The following ANKRD11 variants were observed in gnomAD, a reference collection of about 807,000 sequenced individuals.
ANKRD11 encodes the protein ankyrin repeat domain 11.
In ANKRD11, 17 loss-of-function variants were observed where a neutral mutation model predicts 195.7. That is an observed-to-expected ratio of 0.09 (90% CI 0.06 to 0.13). ANKRD11 has a LOEUF of 0.13. Among genes scored for constraint, ANKRD11 ranks in the 10% least tolerant of loss-of-function variants. ANKRD11 has a pLI of 1.00. For missense variants in ANKRD11, 3,735 were observed against 3,566.1 expected (o/e 1.05, Z -1.21); for synonymous variants, 1,953 against 1,528.1 (o/e 1.28, Z -6.49).
rs779690441 is a variant in ANKRD11 at position 89,284,360 on chromosome 16, T to C, written c.2182A>G (p.Ile728Val). ...LKRIKDTNKD[I>V]SRSFREEKDR... ...TTCTCTTCTCGGAAAGACCTGCTGA[T>C]GTCTTTGTTTGTGTCTTTGATTCTC... The change falls in exon 9 of 13, where the codon ATC (isoleucine) becomes GTC (valine). Residue 728 changes from isoleucine to valine, a missense_variant. Transcript: ENST00000301030. The C allele has an allele frequency of 1.2e-6, 2 of 1,613,894 alleles. No individual in the cohort carries two copies. The highest frequency in any genetic ancestry group is 2.2e-5 in the South Asian group (2 of 91,076).
At chr16:89,320,637 C>T (rs1008131583) in intron 2 of ANKRD11, among the ~76,000 whole-genome samples, 14 of 151,748 alleles carry the variant, frequency 9.2e-5, no homozygotes, top group Admixed American at 2.0e-4. Context: ...GTCCCCCACA[C>T]GAGCCACTGG....
chr16:89,288,950 A>C (rs2034842180), intron 6 of ANKRD11: 1 of 548,738 alleles, frequency 1.8e-6, no homozygotes, highest in African/African-American at 1.9e-5. Context: ...AAAGGGTAGG[A>C]AATCAGTGAA....
intron 2 of ANKRD11, among the ~76,000 whole-genome samples, chr16:89,365,088 C>T (rs1271990838): frequency 6.6e-6 from 1 of 152,140 alleles, no homozygotes; most frequent in Admixed American, 6.6e-5. Flanking sequence ...ATAAAATGGC[C>T]TCAAAAGTGA....
At chr16:89,333,453 C>G (rs2038172199) in intron 2 of ANKRD11, among the ~76,000 whole-genome samples, 1 of 152,170 alleles carries the variant, frequency 6.6e-6, no homozygotes, top group Non-Finnish European at 1.5e-5. Context: ...TGATGTGGAC[C>G]CACCGTTGTG....
intron 1 of ANKRD11, among the ~76,000 whole-genome samples, chr16:89,430,269 T>C (rs1165116848): frequency 7.8e-6 from 1 of 128,224 alleles, no homozygotes; most frequent in Non-Finnish European, 1.7e-5. Flanking sequence ...GCAGGGACTC[T>C]CAACTCTCAG....
At chr16:89,354,243 C>CAAAAAAAAAAAAAAAA (rs5818711) in intron 2 of ANKRD11, among the ~76,000 whole-genome samples, 1 of 126,240 alleles carries the variant, frequency 7.9e-6, no homozygotes. Context: ...TGCATTCAGC[C>CAAAAAAAAAAAAAAAA]AAAAAAAAAA....
chr16:89,446,559 A>G (rs2043801941), intron 1 of ANKRD11, among the ~76,000 whole-genome samples: 1 of 152,102 alleles, frequency 6.6e-6, no homozygotes, highest in Non-Finnish European at 1.5e-5. Context: ...AGCTGTGATC[A>G]TGCCACTGCA....
intron 2 of ANKRD11, among the ~76,000 whole-genome samples, chr16:89,377,557 T>G (rs2040477648): frequency 6.6e-6 from 1 of 151,912 alleles, no homozygotes; most frequent in African/African-American, 2.4e-5. Flanking sequence ...ACCAGAGAAA[T>G]TAGAAGACAA....
chr16:89,309,571 T>A (rs1290492729), intron 3 of ANKRD11, among the ~76,000 whole-genome samples: 1 of 152,222 alleles, frequency 6.6e-6, no homozygotes, highest in Non-Finnish European at 1.5e-5. Context: ...AAAGCACACA[T>A]GGGCAAGGCG....
At chr16:89,319,273 C>A (rs2037156723) in intron 2 of ANKRD11, among the ~76,000 whole-genome samples, 1 of 152,212 alleles carries the variant, frequency 6.6e-6, no homozygotes, top group African/African-American at 2.4e-5. Context: ...CTTATCACTT[C>A]ACTCCTGAGA....
At chr16:89,288,458 G>A (rs1373320466) in intron 7 of ANKRD11, 70 bp downstream of exon 7, 3 of 1,610,348 alleles carry the variant, frequency 1.9e-6, no homozygotes, top group Non-Finnish European at 2.5e-6. Context: ...CTAGCTACGG[G>A]GAAACAAAGC....
intron 1 of ANKRD11, among the ~76,000 whole-genome samples, chr16:89,490,003 G>C (rs1462470466): frequency 1.2e-5 from 1 of 83,424 alleles, no homozygotes; most frequent in African/African-American, 3.9e-5. Flanking sequence ...GCCACCCCGG[G>C]CCCCCAAAGA....
In ANKRD11 at chr16:89,284,648, G is replaced by A. The variant is rs2034516974; in HGVS notation, c.1894C>T (p.His632Tyr). 2.5e-6 allele frequency: 4 copies of A among 1,614,074 alleles called. 1 individual carries two copies. Among genetic ancestry groups the A allele is most frequent in the African/African-American group, 1.3e-5 (1 of 75,008 alleles). The change falls in exon 9 of 13, where the codon CAT becomes TAT. Residue 632 changes from histidine (H) to tyrosine (Y), a missense_variant. Coordinates refer to ENST00000301030, the MANE Select transcript of ANKRD11 (RefSeq NM_013275.6). ...LDKEGKVVKKHKTKHKHKNKE... is the reference protein window; with the variant it reads ...LDKEGKVVKKYKTKHKHKNKE... ...TTTTTGTGTTTGTGTTTTGTTTTAT[G>A]TTTTTTGACAACTTTCCCCTCCTTG...
chr16:89,483,303 A>T (rs1413850205), intron 1 of ANKRD11, among the ~76,000 whole-genome samples: 1 of 152,264 alleles, frequency 6.6e-6, no homozygotes, highest in East Asian at 1.9e-4. Flanking sequence ...CAGTTTCAAC[A>T]TCATCTTCTT....
At chr16:89,355,754 GTT>G (rs1301198580) in intron 2 of ANKRD11, among the ~76,000 whole-genome samples, 1 of 152,242 alleles carries the variant, frequency 6.6e-6, no homozygotes, top group Non-Finnish European at 1.5e-5. Context: ...CAGGTCTTGT[GTT>G]ACTGAGCGCA....
At position 89,470,385 on chromosome 16, in the gene ANKRD11, C is replaced by A. The variant is rs190343886; in HGVS notation, c.-145+19860G>T. Among the ~76,000 whole-genome samples the A allele has an allele frequency of 4.5e-3, 692 of 152,230 alleles. 14 individuals carry two copies. Among genetic ancestry groups the A allele is most frequent in the Non-Finnish European group, 1.7e-3 (116 of 68,030 alleles). On this transcript the variant is annotated intron_variant, in intron 1 of 12. Transcript: ENST00000301030. Reference sequence around the variant, plus strand: ...ACAGGCACACAAGGGGAAACACACCCCTCAGATGACAGTGAGGAGCTTATC... The same window carrying A: ...ACAGGCACACAAGGGGAAACACACCACTCAGATGACAGTGAGGAGCTTATC...
chr16:89,386,419 G>A (rs781137729), intron 2 of ANKRD11, among the ~76,000 whole-genome samples: 14 of 152,102 alleles, frequency 9.2e-5, no homozygotes, highest in South Asian at 2.1e-4. Context: ...CCAAGGAGAC[G>A]CCAGAAACCC....
chr16:89,359,607 T>C (rs1325871077), intron 2 of ANKRD11, among the ~76,000 whole-genome samples: 2 of 152,230 alleles, frequency 1.3e-5, no homozygotes, highest in African/African-American at 2.4e-5. Context: ...CTGTTATTAA[T>C]GGCACAGAGC....
Position 89,284,517 on chromosome 16 carries a change from C to A in ANKRD11, c.2025G>T (p.Glu675Asp). ...GCTTGTTTTCAGTGGAAAGATCATT[C>A]TCTAACAGTATAGCCTTATCTGACT... is the stretch of plus-strand genomic sequence containing the variant. The part of the protein sequence containing the change: ...KQKSDKAILL[E>D]NDLSTENKLK... The change falls in exon 9 of 13, where the codon GAG becomes GAT. Residue 675 changes from glutamate (E) to aspartate (D), a missense_variant. Physicochemically the swap from Glu to Asp is conservative, Grantham distance 45 (BLOSUM62 2). Coordinates refer to ENST00000301030, the MANE Select transcript of ANKRD11 (RefSeq NM_013275.6). The A allele has an allele frequency of 6.2e-7, 1 of 1,614,094 alleles. No homozygotes were observed. The highest frequency in any genetic ancestry group is 8.5e-7 in the Non-Finnish European group (1 of 1,180,030).
Sources: gnomAD v4.1 joint callset for allele counts (sites outside exome capture counted in the v4.1 genomes callset) on GRCh38, gnomAD v4.1.1 for gene constraint, MANE v1.5 for transcripts, NCBI Gene and HGNC (gene_info 2026-07-23, HGNC 2026-07-21) for gene names.